LGSN: variants seen among roughly 807,000 people sequenced by gnomAD.
LGSN encodes the protein lengsin, lens protein with glutamine synthetase domain.
LGSN carries 21 observed loss-of-function variants against 19.5 expected under a neutral mutation model. The observed-to-expected ratio is 1.07, with a 90% CI of 0.76 to 1.55. The LOEUF is 1.55. Ranked by LOEUF, LGSN falls within the 40% of genes most tolerant of loss-of-function variation. The pLI is 0.00. For synonymous variants in LGSN, 257 were observed against 215.6 expected (o/e 1.19, Z -1.68); for missense variants, 673 against 608.5 (o/e 1.11, Z -1.12).
the LGSN span, among the ~76,000 whole-genome samples, chr6:63,512,151 C>T: frequency 1.3e-5 from 2 of 150,766 alleles, no homozygotes; most frequent in Admixed American, 1.3e-4. Context: ...GGTGTGATCT[C>T]GGCTCACCGC....
the LGSN span, among the ~76,000 whole-genome samples, chr6:63,492,573 C>T: frequency 6.6e-6 from 1 of 151,780 alleles, no homozygotes; most frequent in African/African-American, 2.4e-5. Flanking sequence ...ACTCTGTTTC[C>T]TAAGACCTTA....
the LGSN span, among the ~76,000 whole-genome samples, chr6:63,357,128 A>T: frequency 1.3e-5 from 2 of 152,178 alleles, no homozygotes; most frequent in Admixed American, 1.3e-4. Context: ...GCTGGTTTCC[A>T]GCTTCATCCA....
chr6:63,296,251 C>A (rs370349065), intron 1 of LGSN, among the ~76,000 whole-genome samples: 2 of 151,800 alleles, frequency 1.3e-5, no homozygotes, highest in East Asian at 1.9e-4. Context: ...AAATTGTGGT[C>A]TTTTTCACTC....
the LGSN span, among the ~76,000 whole-genome samples, chr6:63,495,498 G>A: frequency 8.3e-6 from 1 of 120,032 alleles, no homozygotes; most frequent in African/African-American, 3.4e-5. Context: ...TCAGTCTGTA[G>A]CACAGGCTGG....
chr6:63,339,129 G>A, the LGSN span, among the ~76,000 whole-genome samples: 8 of 152,300 alleles, frequency 5.3e-5, no homozygotes, highest in East Asian at 7.7e-4. Context: ...ATGTGCTGAT[G>A]AGAAGAATGT....
At chr6:63,335,981 G>A in the LGSN span, among the ~76,000 whole-genome samples, 1 of 151,282 alleles carries the variant, frequency 6.6e-6, no homozygotes, top group Admixed American at 6.6e-5. Flanking sequence ...GGAATACACA[G>A]AAAGACAAAT....
At chr6:63,325,836 G>A in the LGSN span, among the ~76,000 whole-genome samples, 1 of 152,118 alleles carries the variant, frequency 6.6e-6, no homozygotes, top group South Asian at 2.1e-4. Flanking sequence ...CCCAAAGAGT[G>A]AGCAGTAGCA....
At chr6:63,460,727 G>A in the LGSN span, among the ~76,000 whole-genome samples, 1 of 152,116 alleles carries the variant, frequency 6.6e-6, no homozygotes, top group Non-Finnish European at 1.5e-5. Context: ...TCAGGCTTGC[G>A]GATTTTTCCT....
the LGSN span, among the ~76,000 whole-genome samples, chr6:63,467,209 GT>G: frequency 6.6e-6 from 1 of 151,594 alleles, no homozygotes; most frequent in East Asian, 1.9e-4. Context: ...TTTGTAATCT[GT>G]TTCTTCCCTA....
chr6:63,493,018 A>G, the LGSN span, among the ~76,000 whole-genome samples: 1 of 152,172 alleles, frequency 6.6e-6, no homozygotes, highest in Admixed American at 6.5e-5. Context: ...TGTGAACACC[A>G]TTGGTACTCT....
the LGSN span, among the ~76,000 whole-genome samples, chr6:63,412,428 A>AAGAGAGAG: frequency 7.3e-6 from 1 of 137,866 alleles, no homozygotes; most frequent in African/African-American, 3.1e-5. Context: ...GAAAGAAAGA[A>AAGAGAGAG]AGAAAGAAAG....
At chr6:63,404,106 C>T in the LGSN span, among the ~76,000 whole-genome samples, 1 of 152,110 alleles carries the variant, frequency 6.6e-6, no homozygotes, top group Admixed American at 6.6e-5. Flanking sequence ...CTAGATGACA[C>T]TTTAATTGCA....
the LGSN span, among the ~76,000 whole-genome samples, chr6:63,552,048 G>T: frequency 6.6e-6 from 1 of 152,138 alleles, no homozygotes; most frequent in African/African-American, 2.4e-5. Flanking sequence ...AATCCTTTGG[G>T]TGTATACCCA....
the LGSN span, among the ~76,000 whole-genome samples, chr6:63,351,435 AAG>A: frequency 9.1e-4 from 133 of 146,186 alleles, no homozygotes; most frequent in Admixed American, 1.3e-3. Context: ...GAGAGAGAGG[AAG>A]AGAGAGAGAG....
chr6:63,483,245 G>A, the LGSN span, among the ~76,000 whole-genome samples: 4 of 152,122 alleles, frequency 2.6e-5, no homozygotes, highest in African/African-American at 9.7e-5. Flanking sequence ...TCCAGATTCT[G>A]TCTTCTCTGT....
At chr6:63,307,017 T>C (rs1375531082) in intron 1 of LGSN, among the ~76,000 whole-genome samples, 1 of 151,908 alleles carries the variant, frequency 6.6e-6, no homozygotes, top group Non-Finnish European at 1.5e-5. Flanking sequence ...TCTAGAGATA[T>C]GAGGCACAAC....
chr6:63,375,174 T>C, the LGSN span, among the ~76,000 whole-genome samples: 3 of 152,134 alleles, frequency 2.0e-5, no homozygotes, highest in Non-Finnish European at 4.4e-5. Context: ...GACTGAGAGA[T>C]ACAAATTCTA....
the LGSN span, among the ~76,000 whole-genome samples, chr6:63,560,690 C>T: frequency 6.6e-6 from 1 of 152,130 alleles, no homozygotes; most frequent in African/African-American, 2.4e-5. Context: ...AGGTGTGAGC[C>T]ACCGCACCCA....
chr6:63,379,778 A>G, the LGSN span, among the ~76,000 whole-genome samples: 1,006 of 152,304 alleles, frequency 6.6e-3, 7 homozygotes, highest in East Asian at 0.039. Context: ...TTTTTTTACA[A>G]AAATTTTGCA....
Sources: gnomAD v4.1 joint callset for allele counts (sites outside exome capture counted in the v4.1 genomes callset) on GRCh38, gnomAD v4.1.1 for gene constraint, MANE v1.5 for transcripts, NCBI Gene and HGNC (gene_info 2026-07-23, HGNC 2026-07-21) for gene names.